CA12: variants seen among roughly 807,000 people sequenced by gnomAD.
CA12 encodes carbonate dehydratase XII.
Under a neutral mutation model 46.8 loss-of-function variants are expected in CA12, and 36 were observed. The ratio of observed to expected loss-of-function variants is 0.77; its 90% CI spans 0.59 to 1.02. The LOEUF is 1.02. Among genes scored for constraint, CA12 ranks in the 50% least tolerant of loss-of-function variants. CA12 has a pLI of 0.00. For missense variants in CA12, 436 were observed against 451.4 expected (o/e 0.97, Z 0.31); for synonymous variants, 202 against 187.0 (o/e 1.08, Z -0.65).
intron 2 of CA12, among the ~76,000 whole-genome samples, chr15:63,358,622 C>A (rs2039321440): frequency 6.6e-6 from 1 of 152,176 alleles, no homozygotes; most frequent in Non-Finnish European, 1.5e-5. Flanking sequence ...GAAGCCATGA[C>A]TTGATTTGGC....
At chr15:63,358,975 G>A (rs1246971106) in intron 2 of CA12, among the ~76,000 whole-genome samples, 2 of 151,954 alleles carry the variant, frequency 1.3e-5, no homozygotes, top group Admixed American at 1.3e-4. Context: ...ACACTGCTTT[G>A]TTGAATTGTC....
rs1405996501 is a variant in CA12, at chr15:63,373,794, C to T, written c.106+1864G>A. Among the ~76,000 whole-genome samples, 1 of 152,146 alleles carries T rather than the reference C, an allele frequency of 6.6e-6. No individual in the cohort carries two copies. Among genetic ancestry groups the T allele is most frequent in the Non-Finnish European group, 1.5e-5 (1 of 68,024 alleles). On this transcript the variant is annotated intron_variant, in intron 2 of 10. Transcript: ENST00000178638. This position sits in a 1 kb window ranked among gnomAD's most constrained non-coding sequence, Gnocchi z 4.9. ...AGGTTACAGATGGGGAAAGTGAAGT[C>T]CTGGGGCTGAAATGGCTTACTGGGG...
intron 2 of CA12, among the ~76,000 whole-genome samples, chr15:63,358,134 T>C (rs1314026782): frequency 6.6e-6 from 1 of 152,254 alleles, no homozygotes; most frequent in Non-Finnish European, 1.5e-5. Context: ...TAAATTGCTA[T>C]GGATTCTCTT....
chr15:63,372,887 C>T lies in CA12; in HGVS notation c.106+2771G>A, dbSNP rs2039524923. 1.3e-5 allele frequency among the ~76,000 whole-genome samples: 2 copies of T among 152,244 alleles called. No individual in the cohort carries two copies. Among genetic ancestry groups the T allele is most frequent in the South Asian group, 4.1e-4 (2 of 4,834 alleles). On this transcript the variant is annotated intron_variant, in intron 2 of 10. Transcript: ENST00000178638. This position sits in a 1 kb window ranked among gnomAD's most constrained non-coding sequence, Gnocchi z 4.5. ...CCTTTGTGCTTACCCCATGCATGTC[C>T]ATGCATCATTAGACTCTGCCCTCTG...
chr15:63,359,205 T>C (rs1289916354), intron 2 of CA12, among the ~76,000 whole-genome samples: 1 of 152,170 alleles, frequency 6.6e-6, no homozygotes, highest in Non-Finnish European at 1.5e-5. Context: ...GGATAATCCA[T>C]GGGATCCTAA....
chr15:63,352,176 C>G (rs1441161512), intron 2 of CA12, among the ~76,000 whole-genome samples: 1 of 152,236 alleles, frequency 6.6e-6, no homozygotes, highest in Non-Finnish European at 1.5e-5. Context: ...CTGCCTCAGC[C>G]TCCCAAGTAG....
At chr15:63,376,717 A>C (rs915389036) in intron 1 of CA12, among the ~76,000 whole-genome samples, 1 of 151,422 alleles carries the variant, frequency 6.6e-6, no homozygotes, top group Non-Finnish European at 1.5e-5. Flanking sequence ...ATCGCAGCTC[A>C]CTGCAGCCTC....
chr15:63,337,862 C>T (rs1039368351), intron 8 of CA12, among the ~76,000 whole-genome samples: 34 of 152,126 alleles, frequency 2.2e-4, no homozygotes, highest in African/African-American at 7.2e-4. Context: ...CAGGTGAGAA[C>T]GGGTTATCTT....
intron 2 of CA12, among the ~76,000 whole-genome samples, chr15:63,365,788 C>T (rs955047899): frequency 1.3e-5 from 2 of 152,200 alleles, no homozygotes; most frequent in Admixed American, 1.3e-4. Context: ...CTCCACCCTG[C>T]AGCTGGGATG....
At position 63,348,593 on chromosome 15, in the gene CA12, C is replaced by G. The variant is rs4984266; in HGVS notation, c.107-1884G>C. ...CAGCCAGCAGGGCGGAAGCTGCCAG[C>G]CAGGCATGAATGCAAAAAACTCAGG... On this transcript the variant is annotated intron_variant, in intron 2 of 10. Coordinates refer to ENST00000178638, the MANE Select transcript of CA12 (RefSeq NM_001218.5). This position sits in a 1 kb window ranked among gnomAD's most constrained non-coding sequence, Gnocchi z 4.6. 0.25 allele frequency among the ~76,000 whole-genome samples: 37,398 copies of G among 152,156 alleles called. 5,961 individuals are homozygous for G. Among genetic ancestry groups the G allele is most frequent in the East Asian group, 0.74 (3,821 of 5,180 alleles).
At chr15:63,376,323 G>C (rs973328529) in intron 1 of CA12, among the ~76,000 whole-genome samples, 1 of 152,104 alleles carries the variant, frequency 6.6e-6, no homozygotes, top group Non-Finnish European at 1.5e-5. Flanking sequence ...CCATCAAATG[G>C]TATATACAGT....
chr15:63,341,301 G>A lies in CA12; in HGVS notation c.526-518C>T, dbSNP rs572538277. Reference sequence around the variant, plus strand: ...CCAGGCTGTGGACCAGTACCGGTCTGTGGCCTGTTAGGAACTGGGCCGCAC... The same window carrying A: ...CCAGGCTGTGGACCAGTACCGGTCTATGGCCTGTTAGGAACTGGGCCGCAC... On this transcript the variant is annotated intron_variant, in intron 5 of 10. Coordinates refer to ENST00000178638, the MANE Select transcript of CA12 (RefSeq NM_001218.5). This position sits in a 1 kb window ranked among gnomAD's most constrained non-coding sequence, Gnocchi z 5.2. 6.6e-6 allele frequency among the ~76,000 whole-genome samples: 1 copy of A among 152,364 alleles called. No individual in the cohort carries two copies. The highest frequency in any genetic ancestry group is 1.5e-5 in the Non-Finnish European group (1 of 68,032).
rs1443784507 is a variant in CA12, at chr15:63,323,504, G to C, written c.*2781C>G. 1 of 149,046 alleles carries C rather than the reference G, an allele frequency of 6.7e-6. No homozygotes were observed. Among genetic ancestry groups the C allele is most frequent in the Non-Finnish European group, 1.5e-5 (1 of 67,480 alleles). The allele number at this position is 149,046 out of a possible 1,614,324, so 9.2% of individuals were successfully genotyped here. On this transcript the variant is annotated 3_prime_UTR_variant, in exon 11 of 11. Coordinates refer to ENST00000178638, the MANE Select transcript of CA12 (RefSeq NM_001218.5). This position sits in a 1 kb window ranked among gnomAD's most constrained non-coding sequence, Gnocchi z 5.1. Reference sequence around the variant, plus strand: ...TTGCAAATAGTAATGCTTTAACCTCGCCTCCAAAAAAAAAAAAAGAACAGC... The same window carrying C: ...TTGCAAATAGTAATGCTTTAACCTCCCCTCCAAAAAAAAAAAAAGAACAGC...
chr15:63,326,300 A>G lies in CA12; in HGVS notation c.1050T>C (p.Thr350=). ...VIYKPATKME[T]EAHA is the part of the protein sequence containing the mutation. ...TCCGGGGACCTCAAGCGTGGGCCTC[A>G]GTCTCCATCTTGGTGGCTGGCTTGT... The change falls in exon 11 of 11, where the codon ACT becomes ACC. Residue 350 remains threonine (T), a synonymous_variant. Transcript: ENST00000178638. 1.2e-6 allele frequency: 2 copies of G among 1,613,882 alleles called. No homozygotes were observed. Among genetic ancestry groups the G allele is most frequent in the South Asian group, 2.2e-5 (2 of 91,032 alleles).
chr15:63,375,812 T>A, intron 1 of CA12, 134 bp from the exon 2 acceptor site: 2 of 208,914 alleles, frequency 9.6e-6, no homozygotes, highest in African/African-American at 2.5e-5. Flanking sequence ...TTTCTTTTTC[T>A]TTTTTTTTTT....
At position 63,373,036 on chromosome 15, in the gene CA12, T is replaced by G. The variant is rs2039526848; in HGVS notation, c.106+2622A>C. Among the ~76,000 whole-genome samples the G allele has an allele frequency of 6.6e-6, 1 of 152,166 alleles. No individual in the cohort carries two copies. Among genetic ancestry groups the G allele is most frequent in the Non-Finnish European group, 1.5e-5 (1 of 68,028 alleles). On this transcript the variant is annotated intron_variant, in intron 2 of 10. Coordinates refer to ENST00000178638, the MANE Select transcript of CA12 (RefSeq NM_001218.5). The surrounding 1 kb of genome is among the most constrained non-coding windows in gnomAD (Gnocchi z 4.9). ...GTGGCTGCACTGAGAAGCCCGCCCT[T>G]GGCGAACACCACGTCATGATGAAGA...
intron 2 of CA12, among the ~76,000 whole-genome samples, chr15:63,352,209 C>T (rs1040093309): frequency 1.3e-5 from 2 of 152,176 alleles, no homozygotes; most frequent in Non-Finnish European, 2.9e-5. Context: ...GTGCGTGCCT[C>T]CACGCCCAGC....
At chr15:63,347,823 G>A (rs1429777654) in intron 2 of CA12, among the ~76,000 whole-genome samples, 1 of 152,194 alleles carries the variant, frequency 6.6e-6, no homozygotes, top group African/African-American at 2.4e-5. Context: ...TGGGGATCAA[G>A]CTTTGCCATC....
chr15:63,340,530 A>G lies in CA12; in HGVS notation c.590-85T>C. ...GCTGAACAGAGCGACTGAGCCTAGA[A>G]ACATGAACTAGCCCCTTTCAGGGTC... On this transcript the variant is annotated intron_variant, in intron 6 of 10. Transcript: ENST00000178638. The surrounding 1 kb of genome is among the most constrained non-coding windows in gnomAD (Gnocchi z 4.4). The G allele has an allele frequency of 1.9e-6, 3 of 1,561,190 alleles. No homozygotes were observed. The highest frequency in any genetic ancestry group is 2.6e-6 in the Non-Finnish European group (3 of 1,132,110).
Sources: allele counts gnomAD v4.1 joint callset (sites outside exome capture counted in the v4.1 genomes callset), GRCh38; gene constraint gnomAD v4.1.1; non-coding constraint Gnocchi (gnomAD v3.1); transcripts MANE v1.5; gene names NCBI Gene and HGNC (gene_info 2026-07-23, HGNC 2026-07-21).